The following KHDRBS2 variants were observed in gnomAD, a reference collection of about 807,000 sequenced individuals.
The protein encoded by KHDRBS2 is KH RNA binding domain containing, signal transduction associated 2.
A neutral mutation model predicts 44.3 loss-of-function variants in KHDRBS2; 26 were observed. The ratio of observed to expected loss-of-function variants is 0.59; its 90% CI spans 0.43 to 0.81. The LOEUF is 0.81. KHDRBS2 is among the 40% of genes least tolerant of loss of function. The pLI, the probability that KHDRBS2 is intolerant of heterozygous loss-of-function variation, is 0.00. For synonymous variants in KHDRBS2, 194 were observed against 151.1 expected, an observed-to-expected ratio of 1.28 and a Z score of -2.08; for missense variants, 476 against 433.1, an observed-to-expected ratio of 1.10 and a Z score of -0.88.
chr6:62,177,196 G>T lies in KHDRBS2; in HGVS notation c.208C>A (p.Gln70Lys). 1 of 1,573,414 alleles carries T rather than the reference G, an allele frequency of 6.4e-7. No homozygotes were observed. Residue 70 changes from glutamine (Q) to lysine (K), a missense_variant, in exon 2 of 9, where the codon CAG (glutamine) becomes AAG (lysine). Physicochemically the swap from Gln to Lys is moderately conservative, Grantham distance 53. Transcript: ENST00000281156. The part of the protein sequence containing the change: ...LSERVLIPVK[Q>K]YPKFNFVGKL... The stretch of plus-strand genomic sequence containing the variant: ...ATATATGGTAGTACCTTTGGATACT[G>T]CTTGACAGGAATCAGTACTCTTTCT...
the KHDRBS2 span, among the ~76,000 whole-genome samples, chr6:61,627,076 A>AC: frequency 2.6e-5 from 4 of 150,980 alleles, no homozygotes; most frequent in South Asian, 8.4e-4. Flanking sequence ...ACACGGTGAA[A>AC]CCCCGTCTCT....
In KHDRBS2 at chr6:61,781,199, A is replaced by T. The variant is rs189733597; in HGVS notation, c.811-48435T>A. 1.5e-4 allele frequency among the ~76,000 whole-genome samples: 23 copies of T among 152,232 alleles called. No homozygotes were observed. The East Asian group carries it at 4.2e-3, about 28-fold the overall frequency. ...TTGCATTTTATCTCCAAATGCCACA[A>T]TTATATTAATCATTTTAAGACAGAT... On this transcript the variant is annotated intron_variant, in intron 6 of 8. Coordinates refer to ENST00000281156, the MANE Select transcript of KHDRBS2 (RefSeq NM_152688.4).
rs180748399 is a variant in KHDRBS2 at position 61,833,671 on chromosome 6, G to A, written c.810+60964C>T. Among the ~76,000 whole-genome samples, 45 of 152,214 alleles carry A rather than the reference G, an allele frequency of 3.0e-4. 1 individual carries two copies. In the East Asian group the frequency reaches 7.7e-3, roughly 26 times the overall value. On this transcript the variant is annotated intron_variant, in intron 6 of 8. Transcript: ENST00000281156. ...TAGACAAGACAGGCTTTAATGACTT[G>A]AAAAGCTCTTCCAAGGGCAAATGCA...
At chr6:61,554,586 T>C in the KHDRBS2 span, among the ~76,000 whole-genome samples, 5 of 152,200 alleles carry the variant, frequency 3.3e-5, no homozygotes. Flanking sequence ...GATATTTTTG[T>C]GTGGTTTCTT....
At chr6:61,775,785 A>T (rs1781876826) in intron 6 of KHDRBS2, among the ~76,000 whole-genome samples, 1 of 152,186 alleles carries the variant, frequency 6.6e-6, no homozygotes, top group Non-Finnish European at 1.5e-5. Flanking sequence ...AGAATTGGAA[A>T]AAACTACTTT....
the KHDRBS2 span, among the ~76,000 whole-genome samples, chr6:61,569,318 A>G: frequency 4.6e-5 from 7 of 152,140 alleles, no homozygotes; most frequent in Non-Finnish European, 8.8e-5. Context: ...CCTTGTAGCC[A>G]AACACAAAAG....
At chr6:61,673,003 C>A in the KHDRBS2 span, among the ~76,000 whole-genome samples, 1 of 151,680 alleles carries the variant, frequency 6.6e-6, no homozygotes, top group African/African-American at 2.4e-5. Context: ...GTCTTTAATC[C>A]ATCTTGAATT....
intron 6 of KHDRBS2, among the ~76,000 whole-genome samples, chr6:61,808,623 C>T (rs1787565178): frequency 6.6e-6 from 1 of 151,956 alleles, no homozygotes; most frequent in African/African-American, 2.4e-5. Context: ...AAGGATAAAA[C>T]ATCAAAAAAT....
intron 4 of KHDRBS2, among the ~76,000 whole-genome samples, chr6:61,954,196 G>GT (rs1451108342): frequency 6.7e-6 from 1 of 148,176 alleles, no homozygotes; most frequent in Non-Finnish European, 1.5e-5. Context: ...GACTGTCTTG[G>GT]TTTTTTCTAC....
intron 1 of KHDRBS2, among the ~76,000 whole-genome samples, chr6:62,181,802 T>C (rs1479311251): frequency 6.6e-6 from 1 of 151,944 alleles, no homozygotes; most frequent in Non-Finnish European, 1.5e-5. Flanking sequence ...ATGAGATTCA[T>C]GCTCTTAAAA....
At chr6:61,591,237 C>T in the KHDRBS2 span, among the ~76,000 whole-genome samples, 1 of 152,026 alleles carries the variant, frequency 6.6e-6, no homozygotes. Flanking sequence ...GAGATTGCAC[C>T]ACAATGAAAA....
chr6:61,565,662 G>A, the KHDRBS2 span, among the ~76,000 whole-genome samples: 1 of 152,044 alleles, frequency 6.6e-6, no homozygotes, highest in African/African-American at 2.4e-5. Flanking sequence ...AATAATGAAT[G>A]TTGGTGAGGA....
intron 1 of KHDRBS2, among the ~76,000 whole-genome samples, chr6:62,250,970 C>A (rs1426615824): frequency 6.6e-6 from 1 of 151,810 alleles, no homozygotes; most frequent in African/African-American, 2.4e-5. Context: ...AGAAATACTA[C>A]AAAGAATATT....
chr6:61,877,278 C>T (rs1799557689), intron 6 of KHDRBS2, among the ~76,000 whole-genome samples: 1 of 151,716 alleles, frequency 6.6e-6, no homozygotes, highest in African/African-American at 2.4e-5. Context: ...ATTAGGAAGC[C>T]AGAGGACATA....
At chr6:62,081,290 C>T (rs1388805925) in intron 2 of KHDRBS2, among the ~76,000 whole-genome samples, 4 of 152,036 alleles carry the variant, frequency 2.6e-5, no homozygotes, top group Admixed American at 6.6e-5. Flanking sequence ...GGTTAAATGA[C>T]TTCTTAAGTG....
At chr6:62,278,922 G>T (rs112583918) in intron 1 of KHDRBS2, among the ~76,000 whole-genome samples, 1 of 151,794 alleles carries the variant, frequency 6.6e-6, no homozygotes, top group East Asian at 1.9e-4. Flanking sequence ...GTGAAACCCC[G>T]TCTCTACTAA....
intron 7 of KHDRBS2, among the ~76,000 whole-genome samples, chr6:61,719,445 A>C (rs2127554465): frequency 6.6e-6 from 1 of 151,972 alleles, no homozygotes; most frequent in South Asian, 2.1e-4. Context: ...TGAAAATGTT[A>C]ATGTCTTTGA....
At chr6:61,575,484 GCAAA>G in the KHDRBS2 span, among the ~76,000 whole-genome samples, 1 of 152,076 alleles carries the variant, frequency 6.6e-6, no homozygotes, top group African/African-American at 2.4e-5. Context: ...ATGGTAAAAA[GCAAA>G]CACTTTTACA....
At chr6:62,273,748 T>C (rs1398412343) in intron 1 of KHDRBS2, among the ~76,000 whole-genome samples, 2 of 152,136 alleles carry the variant, frequency 1.3e-5, no homozygotes, top group East Asian at 1.9e-4. Context: ...CCTGCATTTT[T>C]ACTTGAACAC....
Sources: gnomAD v4.1 joint callset for allele counts (sites outside exome capture counted in the v4.1 genomes callset) on GRCh38, gnomAD v4.1.1 for gene constraint, MANE v1.5 for transcripts, NCBI Gene and HGNC (gene_info 2026-07-23, HGNC 2026-07-21) for gene names.